The following ACBD6 variants were observed in gnomAD, a reference collection of about 807,000 sequenced individuals.
ACBD6 encodes acyl-CoA-binding domain-containing protein 6.
ACBD6 carries 28 observed loss-of-function variants against 37.2 expected under a neutral mutation model. That is an observed-to-expected ratio of 0.75 (90% CI 0.56 to 1.03). ACBD6 has a LOEUF of 1.03. Among genes scored for constraint, ACBD6 ranks in the 50% least tolerant of loss-of-function variants. The probability of loss-of-function intolerance (pLI) is 0.00; values close to 1 mark genes in which losing one functional copy is unlikely to be tolerated. For missense variants in ACBD6, 340 were observed against 337.4 expected (o/e 1.01, Z -0.06); for synonymous variants, 113 against 126.8 (o/e 0.89, Z 0.73).
downstream of ACBD6, among the ~76,000 whole-genome samples, chr1:180,283,736 A>T (rs1033088762): frequency 6.6e-6 from 1 of 152,214 alleles, no homozygotes. Context: ...GAAGAATTCA[A>T]GTATAAAAGA....
intron 13 of ACBD6, chr1:180,272,067 C>A: frequency 6.7e-7 from 1 of 1,486,618 alleles, no homozygotes; most frequent in South Asian, 1.3e-5. Flanking sequence ...AATCTGTAAT[C>A]CCTGGCACTC....
intron 6 of ACBD6, among the ~76,000 whole-genome samples, chr1:180,333,592 C>CG (rs1558253827): frequency 1.3e-5 from 2 of 152,176 alleles, no homozygotes. Context: ...GTGTGAGCGA[C>CG]GCAGAAGACG....
chr1:180,404,514 G>T (rs1647530540), intron 5 of ACBD6, among the ~76,000 whole-genome samples: 1 of 152,002 alleles, frequency 6.6e-6, no homozygotes, highest in African/African-American at 2.4e-5. Context: ...CTGGAGTCCA[G>T]TGGCACGATC....
intron 6 of ACBD6, among the ~76,000 whole-genome samples, chr1:180,377,584 A>G (rs1394353302): frequency 6.6e-6 from 1 of 152,242 alleles, no homozygotes; most frequent in Admixed American, 6.5e-5. Flanking sequence ...AGAGGAAAAC[A>G]GAAAATCACC....
At chr1:180,298,283 G>A (rs1444776074) in intron 7 of ACBD6, among the ~76,000 whole-genome samples, 1 of 152,124 alleles carries the variant, frequency 6.6e-6, no homozygotes. Flanking sequence ...AAACACTTAG[G>A]CTTTAAAATA....
intron 4 of ACBD6, among the ~76,000 whole-genome samples, chr1:180,418,231 C>G (rs1558291425): frequency 6.6e-6 from 1 of 151,814 alleles, no homozygotes; most frequent in African/African-American, 2.4e-5. Context: ...ATGTTTTTCT[C>G]CCTGAAAAAA....
chr1:180,295,544 C>CA (rs1649885277), intron 7 of ACBD6, among the ~76,000 whole-genome samples: 1 of 151,688 alleles, frequency 6.6e-6, no homozygotes, highest in Admixed American at 6.6e-5. Flanking sequence ...AGATTTGTGG[C>CA]AACTCTATAT....
chr1:180,331,828 C>T (rs1020180898), intron 6 of ACBD6, among the ~76,000 whole-genome samples: 2 of 152,162 alleles, frequency 1.3e-5, no homozygotes, highest in African/African-American at 2.4e-5. Context: ...GGCTCTATTA[C>T]CCAGCTGCTC....
chr1:180,411,992 A>G (rs1647879315), intron 5 of ACBD6, among the ~76,000 whole-genome samples: 1 of 152,050 alleles, frequency 6.6e-6, no homozygotes, highest in Non-Finnish European at 1.5e-5. Context: ...TTTTATGTGC[A>G]CTGGGAAACC....
At chr1:180,476,087 A>T (rs2102063865) in intron 3 of ACBD6, among the ~76,000 whole-genome samples, 1 of 152,344 alleles carries the variant, frequency 6.6e-6, no homozygotes, top group African/African-American at 2.4e-5. Flanking sequence ...ATCACATACC[A>T]AAATCTGAAT....
intron 3 of ACBD6, among the ~76,000 whole-genome samples, chr1:180,477,432 C>T (rs1286177656): frequency 2.0e-5 from 3 of 152,108 alleles, no homozygotes; most frequent in Admixed American, 6.5e-5. Flanking sequence ...TAGGATAGAC[C>T]ATTAAATGTT....
At chr1:180,418,330 C>A (rs1571483468) in intron 4 of ACBD6, among the ~76,000 whole-genome samples, 2 of 152,196 alleles carry the variant, frequency 1.3e-5, no homozygotes, top group South Asian at 4.1e-4. Flanking sequence ...ATAATCCCAG[C>A]ACTTTGGGAG....
exon 10 of ACBD6, chr1:180,274,742 G>A (rs1571301697): frequency 3.8e-6 from 3 of 792,284 alleles, no homozygotes; most frequent in Non-Finnish European, 5.9e-6. Flanking sequence ...GACCACACTA[G>A]GGCATTGTTT....
intron 6 of ACBD6, among the ~76,000 whole-genome samples, chr1:180,380,394 T>C (rs951486201): frequency 2.0e-5 from 3 of 152,006 alleles, no homozygotes; most frequent in African/African-American, 7.3e-5. Context: ...GTAGAAACCT[T>C]ACAGGCCAGG....
At chr1:180,472,114 G>C (rs569590663) in intron 3 of ACBD6, among the ~76,000 whole-genome samples, 2 of 152,318 alleles carry the variant, frequency 1.3e-5, no homozygotes, top group African/African-American at 4.8e-5. Flanking sequence ...GGCAAGGCCA[G>C]ACCTGAGGAG....
intron 3 of ACBD6, among the ~76,000 whole-genome samples, chr1:180,465,431 T>C (rs1240696713): frequency 6.6e-6 from 1 of 152,072 alleles, no homozygotes; most frequent in Non-Finnish European, 1.5e-5. Context: ...CACTGATCAT[T>C]CGAGAAATGC....
intron 7 of ACBD6, among the ~76,000 whole-genome samples, chr1:180,310,317 G>A (rs1009550904): frequency 6.6e-6 from 1 of 152,004 alleles, no homozygotes; most frequent in African/African-American, 2.4e-5. Flanking sequence ...CCATGATTGC[G>A]CCACTACACT....
intron 6 of ACBD6, among the ~76,000 whole-genome samples, chr1:180,348,583 G>A (rs993628908): frequency 6.6e-6 from 1 of 152,182 alleles, no homozygotes; most frequent in Non-Finnish European, 1.5e-5. Flanking sequence ...AATGAATGTA[G>A]CCAGGGTTGA....
chr1:180,480,720 A>G (rs1331914509), intron 3 of ACBD6, among the ~76,000 whole-genome samples: 1 of 152,182 alleles, frequency 6.6e-6, no homozygotes, highest in African/African-American at 2.4e-5. Context: ...AAAAAAAATC[A>G]GAAGATGTCA....
Sources: gnomAD v4.1 joint callset for allele counts (sites outside exome capture counted in the v4.1 genomes callset) on GRCh38, gnomAD v4.1.1 for gene constraint, MANE v1.5 for transcripts, NCBI Gene and HGNC (gene_info 2026-07-23, HGNC 2026-07-21) for gene names.